The following CYP4X1 variants were observed in gnomAD, a reference collection of about 807,000 sequenced individuals.
The protein encoded by CYP4X1 is cytochrome P450 family 4 subfamily X member 1.
A neutral mutation model predicts 57.9 loss-of-function variants in CYP4X1; 44 were observed. The observed-to-expected ratio is 0.76, with a 90% CI of 0.60 to 0.98. The LOEUF is 0.98. Ranked by LOEUF, CYP4X1 falls within the 50% of genes least tolerant of loss-of-function variation. CYP4X1 has a pLI of 0.00. For synonymous variants in CYP4X1, 227 were observed against 228.6 expected (o/e 0.99, Z 0.06); for missense variants, 532 against 623.9 (o/e 0.85, Z 1.57).
At chr1:47,018,243 A>C in the CYP4X1 span, among the ~76,000 whole-genome samples, 2 of 152,114 alleles carry the variant, frequency 1.3e-5, no homozygotes, top group Admixed American at 6.6e-5. Flanking sequence ...ATCACCAGAC[A>C]AACTCAGAAT....
chr1:47,008,960 A>G, the CYP4X1 span, among the ~76,000 whole-genome samples: 1 of 152,192 alleles, frequency 6.6e-6, no homozygotes, highest in Non-Finnish European at 1.5e-5. Context: ...AGACTCCCAC[A>G]CAATAATGGG....
the CYP4X1 span, among the ~76,000 whole-genome samples, chr1:46,986,797 A>G: frequency 5.3e-5 from 8 of 152,242 alleles, no homozygotes; most frequent in African/African-American, 1.9e-4. Flanking sequence ...TAAGTGAAGG[A>G]GAAATAAAAT....
chr1:47,007,505 T>G, the CYP4X1 span, among the ~76,000 whole-genome samples: 2 of 152,134 alleles, frequency 1.3e-5, no homozygotes, highest in South Asian at 4.1e-4. Flanking sequence ...CTGGAAACTC[T>G]AAAAATCAGA....
chr1:47,023,433 A>T, upstream of CYP4X1: 1 of 779,584 alleles, frequency 1.3e-6, no homozygotes, highest in Non-Finnish European at 1.6e-6. Context: ...TGGAAAAGAA[A>T]ATCTCTTGCA....
chr1:46,999,465 T>C, the CYP4X1 span, among the ~76,000 whole-genome samples: 5 of 152,168 alleles, frequency 3.3e-5, no homozygotes, highest in African/African-American at 4.8e-5. Context: ...CTCTCTTTTT[T>C]TCTTTGTTCA....
At chr1:47,005,508 T>C in the CYP4X1 span, among the ~76,000 whole-genome samples, 42 of 152,254 alleles carry the variant, frequency 2.8e-4, no homozygotes, top group Non-Finnish European at 4.6e-4. Flanking sequence ...TGCTATCTCA[T>C]GGCTAGCATT....
intron 4 of CYP4X1, among the ~76,000 whole-genome samples, chr1:47,034,746 C>G (rs966902647): frequency 6.6e-6 from 1 of 151,992 alleles, no homozygotes; most frequent in African/African-American, 2.4e-5. Context: ...AGCACAGTTT[C>G]AGATCCTCCA....
At chr1:47,011,130 A>G in the CYP4X1 span, among the ~76,000 whole-genome samples, 1 of 152,222 alleles carries the variant, frequency 6.6e-6, no homozygotes, top group Admixed American at 6.5e-5. Flanking sequence ...ACAAAGCTGG[A>G]GGCATAATGC....
the CYP4X1 span, among the ~76,000 whole-genome samples, chr1:46,989,271 C>G: frequency 2.0e-5 from 3 of 151,928 alleles, no homozygotes; most frequent in Non-Finnish European, 4.4e-5. Context: ...AAACAGAGAG[C>G]CAAATCATGA....
intron 8 of CYP4X1, among the ~76,000 whole-genome samples, chr1:47,043,091 C>T (rs1196538408): frequency 6.6e-6 from 1 of 152,116 alleles, no homozygotes; most frequent in Non-Finnish European, 1.5e-5. Flanking sequence ...AGAAGTGTTC[C>T]CTGTTCACTG....
At chr1:46,963,645 T>A in the CYP4X1 span, among the ~76,000 whole-genome samples, 1 of 152,270 alleles carries the variant, frequency 6.6e-6, no homozygotes, top group Non-Finnish European at 1.5e-5. Flanking sequence ...CCTTTGTGGG[T>A]GACCTGACCT....
At chr1:46,975,818 G>T in the CYP4X1 span, among the ~76,000 whole-genome samples, 1 of 152,020 alleles carries the variant, frequency 6.6e-6, no homozygotes, top group Non-Finnish European at 1.5e-5. Flanking sequence ...CATGGACTTG[G>T]GCTCTTTACA....
At chr1:46,983,421 G>A in the CYP4X1 span, among the ~76,000 whole-genome samples, 1 of 152,222 alleles carries the variant, frequency 6.6e-6, no homozygotes. Context: ...AAATGATCAG[G>A]GTCTTTGTTT....
At chr1:46,985,051 AGTAGGT>A in the CYP4X1 span, among the ~76,000 whole-genome samples, 2 of 152,198 alleles carry the variant, frequency 1.3e-5, no homozygotes, top group East Asian at 3.9e-4. Flanking sequence ...CTAAGGCTTG[AGTAGGT>A]GGTTTTCCCC....
At chr1:46,976,127 C>G in the CYP4X1 span, among the ~76,000 whole-genome samples, 2 of 152,022 alleles carry the variant, frequency 1.3e-5, no homozygotes, top group African/African-American at 4.8e-5. Context: ...GGAGGGCAAG[C>G]CAAAGAAGGG....
At chr1:47,022,551 A>G (rs1360694005), upstream of CYP4X1, among the ~76,000 whole-genome samples, 1 of 151,570 alleles carries the variant, frequency 6.6e-6, no homozygotes, top group Non-Finnish European at 1.5e-5. Context: ...GGCCTCCCAA[A>G]TTGCTGGGAT....
At chr1:46,970,476 C>G in the CYP4X1 span, among the ~76,000 whole-genome samples, 2 of 152,184 alleles carry the variant, frequency 1.3e-5, no homozygotes, top group African/African-American at 4.8e-5. Context: ...GCCTCCTTCC[C>G]TACTCCCATT....
chr1:46,963,365 C>A, the CYP4X1 span, among the ~76,000 whole-genome samples: 1 of 151,702 alleles, frequency 6.6e-6, no homozygotes, highest in Non-Finnish European at 1.5e-5. Flanking sequence ...TCTTTACAAT[C>A]TGGCATGTTT....
At chr1:46,973,672 G>A in the CYP4X1 span, among the ~76,000 whole-genome samples, 1 of 152,058 alleles carries the variant, frequency 6.6e-6, no homozygotes, top group Admixed American at 6.6e-5. Flanking sequence ...TGTGTTTCCA[G>A]GAATTTATCC....
Sources: allele counts gnomAD v4.1 joint callset (sites outside exome capture counted in the v4.1 genomes callset), GRCh38; gene constraint gnomAD v4.1.1; transcripts MANE v1.5; gene names NCBI Gene and HGNC (gene_info 2026-07-23, HGNC 2026-07-21).